The following LPA variants were observed in gnomAD, a reference collection of about 807,000 sequenced individuals.
The protein encoded by LPA is lipoprotein(a), also known as apolipoprotein(a).
A neutral mutation model predicts 197.9 loss-of-function variants in LPA; 199 were observed. The observed-to-expected ratio is 1.01, with a 90% CI of 0.90 to 1.13. The LOEUF (loss-of-function observed/expected upper bound fraction) is 1.13. Among genes scored for constraint, LPA ranks in the 50% most tolerant of loss-of-function variants. The probability of loss-of-function intolerance (pLI) is 0.00; values close to 1 mark genes in which losing one functional copy is unlikely to be tolerated. For missense variants in LPA, 1,853 were observed against 1,785.8 expected (o/e 1.04, Z -0.68); for synonymous variants, 715 against 639.5 (o/e 1.12, Z -1.78).
chr6:160,583,054 C>T (rs1247322304), intron 26 of LPA, among the ~76,000 whole-genome samples: 1 of 151,716 alleles, frequency 6.6e-6, no homozygotes, highest in African/African-American at 2.4e-5. Context: ...ATTTTTCTTT[C>T]TGTTGATATT....
At chr6:160,550,424 A>C (rs936174973) in intron 30 of LPA, among the ~76,000 whole-genome samples, 1 of 152,108 alleles carries the variant, frequency 6.6e-6, no homozygotes, top group Non-Finnish European at 1.5e-5. Flanking sequence ...TATACATGTG[A>C]CCCAGTCTCA....
At chr6:160,657,946 G>A (rs59040870) in intron 1 of LPA, among the ~76,000 whole-genome samples, 2,506 of 152,148 alleles carry the variant, frequency 0.016, 66 homozygotes, top group African/African-American at 0.057. Flanking sequence ...TCTGGGGCCC[G>A]CAAGGAATTT....
At chr6:160,598,115 G>C (rs1417627184) in intron 20 of LPA, among the ~76,000 whole-genome samples, 2 of 152,134 alleles carry the variant, frequency 1.3e-5, no homozygotes, top group Non-Finnish European at 2.9e-5. Context: ...CTCTCTAGCT[G>C]GTCAAAACTC....
chr6:160,588,114 T>C (rs1209357461), intron 24 of LPA, among the ~76,000 whole-genome samples: 1 of 152,194 alleles, frequency 6.6e-6, no homozygotes, highest in African/African-American at 2.4e-5. Context: ...GGCCTGTTTG[T>C]GTTGAGTGAT....
intron 23 of LPA, among the ~76,000 whole-genome samples, chr6:160,590,161 G>A (rs528102982): frequency 2.0e-5 from 3 of 152,284 alleles, no homozygotes; most frequent in South Asian, 2.1e-4. Context: ...TCTGGAAGAT[G>A]GGGCAGGAAG....
At chr6:160,532,004 G>A in intron 38 of LPA, 114 bp from the exon 39 acceptor site, 1 of 1,202,142 alleles carries the variant, frequency 8.3e-7, no homozygotes. Flanking sequence ...AAATCAGAAA[G>A]GAACTTATGA....
chr6:160,545,567 C>G, intron 32 of LPA, 34 bp from the exon 33 acceptor site: 1 of 1,258,666 alleles, frequency 7.9e-7, no homozygotes, highest in Non-Finnish European at 1.2e-6. Context: ...CTCCAGCTCA[C>G]GTGGAGCAGG....
intron 29 of LPA, 112 bp downstream of exon 29, chr6:160,557,278 G>T: frequency 2.3e-6 from 3 of 1,294,676 alleles, no homozygotes; most frequent in Non-Finnish European, 2.2e-6. Flanking sequence ...CTTTCCACCT[G>T]CCATACCCTC....
intron 19 of LPA, among the ~76,000 whole-genome samples, chr6:160,600,347 C>T (rs930327519): frequency 1.3e-5 from 2 of 152,114 alleles, no homozygotes; most frequent in Admixed American, 6.5e-5. Flanking sequence ...CAAAAGCACA[C>T]GAAAAAATCA....
chr6:160,584,334 CTT>C lies in LPA; in HGVS notation c.4289+710_4289+711del, dbSNP rs61645510. 2.8e-4 allele frequency among the ~76,000 whole-genome samples: 30 copies of C among 105,728 alleles called. No homozygotes were observed. The East Asian group carries it at 3.8e-3, about 13-fold the overall frequency. 69.4% of individuals were successfully genotyped at this position (105,728 alleles called of 152,430 possible). A position where few individuals can be genotyped will look rare whatever the true frequency, so the allele number is the denominator to read the frequency against. Reference sequence around the variant, plus strand: ...CTCTTCTTCTTTTCTTCTTCTTCTTCTTTTTTTTTTTTTTTGAGATTGAGTCT... The same window carrying C: ...CTCTTCTTCTTTTCTTCTTCTTCTTCTTTTTTTTTTTTTGAGATTGAGTCT... On this transcript the variant is annotated intron_variant, in intron 26 of 38. Coordinates refer to ENST00000316300, the MANE Select transcript of LPA (RefSeq NM_005577.4).
intron 20 of LPA, among the ~76,000 whole-genome samples, chr6:160,599,145 C>T (rs1779188115): frequency 6.6e-6 from 1 of 152,150 alleles, no homozygotes; most frequent in Non-Finnish European, 1.5e-5. Flanking sequence ...AGACCAAGAC[C>T]ATCCTGGCTA....
At chr6:160,647,423 C>T (rs1779915377) in intron 2 of LPA, among the ~76,000 whole-genome samples, 1 of 152,116 alleles carries the variant, frequency 6.6e-6, no homozygotes, top group Non-Finnish European at 1.5e-5. Context: ...TATTATGGGC[C>T]ATGGGGATCC....
intron 2 of LPA, among the ~76,000 whole-genome samples, chr6:160,648,667 G>C (rs1374602362): frequency 6.6e-6 from 1 of 151,524 alleles, no homozygotes; most frequent in Non-Finnish European, 1.5e-5. Flanking sequence ...TTTTTCATTT[G>C]GTATTTTCTT....
intron 17 of LPA, among the ~76,000 whole-genome samples, chr6:160,605,440 G>T (rs1779328304): frequency 1.3e-5 from 2 of 152,184 alleles, no homozygotes; most frequent in Non-Finnish European, 2.9e-5. Flanking sequence ...ACTGTAGTAA[G>T]TTCTTAGAAA....
chr6:160,583,238 CA>C (rs2115036187), intron 26 of LPA, among the ~76,000 whole-genome samples: 1 of 151,464 alleles, frequency 6.6e-6, no homozygotes, highest in East Asian at 1.9e-4. Flanking sequence ...GTATGTTTAG[CA>C]AATTTTTAAA....
chr6:160,544,641 T>C (rs1475270157), intron 33 of LPA, among the ~76,000 whole-genome samples: 1 of 152,146 alleles, frequency 6.6e-6, no homozygotes, highest in Non-Finnish European at 1.5e-5. Flanking sequence ...TCAAGGTCCC[T>C]TCACATGGCA....
chr6:160,656,076 T>G (rs1239105382), intron 1 of LPA, among the ~76,000 whole-genome samples: 3 of 152,204 alleles, frequency 2.0e-5, no homozygotes, highest in Non-Finnish European at 4.4e-5. Context: ...GTAGAGCAGC[T>G]GCAATTGGAG....
At position 160,531,641 on chromosome 6, in the gene LPA, A is replaced by C; in HGVS notation, c.*88T>G. 6.5e-7 allele frequency: 1 copy of C among 1,539,084 alleles called. No individual in the cohort carries two copies. Among genetic ancestry groups the C allele is most frequent in the African/African-American group, 1.4e-5 (1 of 73,316 alleles). On this transcript the variant is annotated 3_prime_UTR_variant, in exon 39 of 39. Transcript: ENST00000316300. ...TAGCTGGGAACAGTGTCTTCGTTTGATTGCTGTCTATTATTTCCAGCATGC... is the reference window on the plus strand; with the variant it reads ...TAGCTGGGAACAGTGTCTTCGTTTGCTTGCTGTCTATTATTTCCAGCATGC...
At chr6:160,647,074 A>C (rs1332504036) in intron 2 of LPA, among the ~76,000 whole-genome samples, 1 of 152,222 alleles carries the variant, frequency 6.6e-6, no homozygotes, top group Non-Finnish European at 1.5e-5. Flanking sequence ...GCTCCCAGGC[A>C]GAATGCAGTA....
Sources: gnomAD v4.1 joint callset for allele counts (sites outside exome capture counted in the v4.1 genomes callset) on GRCh38, gnomAD v4.1.1 for gene constraint, MANE v1.5 for transcripts, NCBI Gene and HGNC (gene_info 2026-07-23, HGNC 2026-07-21) for gene names.